BMPR2: variants seen among roughly 807,000 people sequenced by gnomAD.
The protein encoded by BMPR2 is bone morphogenetic protein receptor type 2, also known as bone morphogenetic protein receptor type-2.
In BMPR2, 29 loss-of-function variants were observed where a neutral mutation model predicts 100.8. The ratio of observed to expected loss-of-function variants is 0.29; its 90% confidence interval spans 0.21 to 0.39. The LOEUF (loss-of-function observed/expected upper bound fraction) is 0.39, where lower values mean the gene tolerates loss of function less well. BMPR2 is among the 10% of genes least tolerant of loss of function. The probability of loss-of-function intolerance (pLI) is 1.00; values close to 1 mark genes in which losing one functional copy is unlikely to be tolerated. For synonymous variants in BMPR2, 382 were observed against 442.3 expected (o/e 0.86, Z 1.71); for missense variants, 1,011 against 1,274.5 (o/e 0.79, Z 3.15).
intron 3 of BMPR2, among the ~76,000 whole-genome samples, chr2:202,473,693 A>G (rs568080322): frequency 2.2e-4 from 34 of 152,162 alleles, no homozygotes; most frequent in African/African-American, 7.9e-4. Context: ...CGGGAGGCTG[A>G]GGCACGAGAA....
chr2:202,407,777 CTG>C (rs974917980), intron 1 of BMPR2, among the ~76,000 whole-genome samples: 1 of 151,610 alleles, frequency 6.6e-6, no homozygotes, highest in African/African-American at 2.4e-5. Context: ...AAAAAAAAAA[CTG>C]TATTTATACT....
chr2:202,514,161 G>A (rs1388864693), intron 4 of BMPR2, among the ~76,000 whole-genome samples: 3 of 151,434 alleles, frequency 2.0e-5, no homozygotes, highest in Admixed American at 6.6e-5. Context: ...TTTTTGAGAC[G>A]GAGTCTCGCT....
In BMPR2 at chr2:202,376,838, C is replaced by G. The variant is rs1690157359; in HGVS notation, c.-637C>G. ...CCTCCCCAACCCTCTCACGGTTGTT[C>G]TGCGAAGGCGTGGGGACTGTGAGCT... is the stretch of plus-strand genomic sequence containing the variant. On this transcript the variant is annotated 5_prime_UTR_variant, in exon 1 of 13. Coordinates refer to ENST00000374580, the MANE Select transcript of BMPR2 (RefSeq NM_001204.7). 1 of 404,166 alleles carries G rather than the reference C, an allele frequency of 2.5e-6. No homozygotes were observed. The highest frequency in any genetic ancestry group is 4.3e-6 in the Non-Finnish European group (1 of 230,640). The allele number at this position is 404,166 out of a possible 1,614,324, so 25.0% of individuals were successfully genotyped here.
intron 1 of BMPR2, among the ~76,000 whole-genome samples, chr2:202,415,167 C>A (rs1166769546): frequency 1.3e-5 from 2 of 151,964 alleles, no homozygotes; most frequent in African/African-American, 4.8e-5. Flanking sequence ...CCATCTAGGA[C>A]TTTTATAACT....
chr2:202,534,159 A>T (rs1472189107), intron 9 of BMPR2, among the ~76,000 whole-genome samples: 1 of 150,698 alleles, frequency 6.6e-6, no homozygotes, highest in Non-Finnish European at 1.5e-5. Flanking sequence ...TAGTTTATAT[A>T]TATCAAGTGT....
chr2:202,440,197 C>T lies in BMPR2; in HGVS notation c.77-24612C>T, dbSNP rs188319440. 6.8e-4 allele frequency among the ~76,000 whole-genome samples: 102 copies of T among 150,960 alleles called. 8 individuals carry two copies. The highest frequency in any genetic ancestry group is 2.4e-3 in the African/African-American group (96 of 40,244). ...CCCCTTTCCTATTCGACAAAACCGCCATCCTCATCGTGGCCCGTTCTCAAT... is the reference window on the plus strand; with the variant it reads ...CCCCTTTCCTATTCGACAAAACCGCTATCCTCATCGTGGCCCGTTCTCAAT... On this transcript the variant is annotated intron_variant, in intron 1 of 12. Transcript: ENST00000374580.
chr2:202,453,172 T>C (rs1692021956), intron 1 of BMPR2, among the ~76,000 whole-genome samples: 2 of 151,378 alleles, frequency 1.3e-5, no homozygotes, highest in South Asian at 4.2e-4. Context: ...GATCAAATTG[T>C]GGATCTTATC....
intron 3 of BMPR2, among the ~76,000 whole-genome samples, chr2:202,468,263 G>A (rs1692365251): frequency 6.6e-6 from 1 of 151,834 alleles, no homozygotes; most frequent in Non-Finnish European, 1.5e-5. Context: ...GAGCACTTGA[G>A]CCCAGGAACT....
chr2:202,407,306 T>G (rs971420571), intron 1 of BMPR2, among the ~76,000 whole-genome samples: 1 of 151,966 alleles, frequency 6.6e-6, no homozygotes, highest in Non-Finnish European at 1.5e-5. Context: ...CTTAAACTCC[T>G]GACTTCAAAC....
chr2:202,503,224 G>C lies in BMPR2; in HGVS notation c.419-10495G>C, dbSNP rs1379741013. 1.3e-5 allele frequency among the ~76,000 whole-genome samples: 2 copies of C among 152,224 alleles called. No homozygotes were observed. The highest frequency in any genetic ancestry group is 2.9e-5 in the Non-Finnish European group (2 of 68,040). ...GGGATTGAGAGGTAACAGCGTGCTG[G>C]CAGTCCTCACAGCCCTCGCTCACTC... On this transcript the variant is annotated intron_variant, in intron 3 of 12. Coordinates refer to ENST00000374580, the MANE Select transcript of BMPR2 (RefSeq NM_001204.7). The surrounding 1 kb of genome is among the most constrained non-coding windows in gnomAD (Gnocchi z 4.0).
chr2:202,563,987 A>G lies in BMPR2; in HGVS notation c.*4041A>G, dbSNP rs1379920119. The G allele has an allele frequency of 1.3e-5, 2 of 152,226 alleles. No individual in the cohort carries two copies. The highest frequency in any genetic ancestry group is 2.9e-5 in the Non-Finnish European group (2 of 68,032). 9.4% of individuals were successfully genotyped at this position (152,226 alleles called of 1,614,324 possible). On this transcript the variant is annotated 3_prime_UTR_variant, in exon 13 of 13. Coordinates refer to ENST00000374580, the MANE Select transcript of BMPR2 (RefSeq NM_001204.7). ...GTTCTGAATGTGAAAATATTTAAAG[A>G]GAGAAAGGAACACTCAAGTAAGTGT...
chr2:202,477,004 G>T (rs1692564685), intron 3 of BMPR2, among the ~76,000 whole-genome samples: 1 of 150,924 alleles, frequency 6.6e-6, no homozygotes, highest in South Asian at 2.1e-4. Context: ...TCACTTGATT[G>T]TTTGGAATGT....
At chr2:202,422,552 TGCCTCA>T (rs1407119282) in intron 1 of BMPR2, among the ~76,000 whole-genome samples, 1 of 151,998 alleles carries the variant, frequency 6.6e-6, no homozygotes, top group Non-Finnish European at 1.5e-5. Flanking sequence ...ATGACCCGCC[TGCCTCA>T]GCCTCCCAAA....
At chr2:202,516,239 G>A (rs1442266366) in intron 5 of BMPR2, among the ~76,000 whole-genome samples, 1 of 152,102 alleles carries the variant, frequency 6.6e-6, no homozygotes, top group African/African-American at 2.4e-5. Flanking sequence ...AAAATTGTAA[G>A]AACTTTCTGT....
chr2:202,465,189 C>G (rs921508028), intron 2 of BMPR2, among the ~76,000 whole-genome samples: 1 of 151,966 alleles, frequency 6.6e-6, no homozygotes, highest in East Asian at 1.9e-4. Context: ...AGTTTGAGAC[C>G]AGCCTGGGTA....
intron 1 of BMPR2, among the ~76,000 whole-genome samples, chr2:202,385,554 C>G (rs180766435): frequency 6.7e-6 from 1 of 149,712 alleles, no homozygotes; most frequent in Non-Finnish European, 1.5e-5. Flanking sequence ...TTAGTAGACA[C>G]GGAGTTTCAC....
At chr2:202,497,651 T>A (rs1484488215) in intron 3 of BMPR2, among the ~76,000 whole-genome samples, 1 of 152,208 alleles carries the variant, frequency 6.6e-6, no homozygotes, top group Admixed American at 6.5e-5. Context: ...CTCAAAGGCA[T>A]GTCACCCAAG....
rs780608535 is a variant in BMPR2 at position 202,556,507 on chromosome 2, G to A, written c.2842G>A (p.Val948Ile). 1.9e-6 allele frequency: 3 copies of A among 1,613,514 alleles called. No individual in the cohort carries two copies. The Admixed American group carries it at 5.0e-5, about 27-fold the overall frequency. Reference sequence around the variant, plus strand: ...TTCTCTGGATCTTTCAGCCACAAATGTCCTGGATGGCAGCAGTATACAGAG... The same window carrying A: ...TTCTCTGGATCTTTCAGCCACAAATATCCTGGATGGCAGCAGTATACAGAG... ...PNSLDLSATN[V>I]LDGSSIQIGE... Residue 948 changes from valine (V) to isoleucine (I), a missense_variant, in exon 12 of 13, where the codon GTC becomes ATC. Val to Ile is a conservative substitution (Grantham distance 29). Around this residue, in one of 6 missense-constraint regions of BMPR2, gnomAD observed 508 missense variants for 552.0 expected, o/e 0.92. Coordinates refer to ENST00000374580, the MANE Select transcript of BMPR2 (RefSeq NM_001204.7).
rs1574448473 is a variant in BMPR2, at chr2:202,437,086, A to G, written c.77-27723A>G. ...AGTGGCGTGATCTCGGCTCACTGCA[A>G]CCTCTGTCTCCCAGGTTCAAGCGAT... On this transcript the variant is annotated intron_variant, in intron 1 of 12. Transcript: ENST00000374580. Among the ~76,000 whole-genome samples the G allele has an allele frequency of 1.3e-5, 2 of 150,330 alleles. 1 individual carries two copies. Among genetic ancestry groups the G allele is most frequent in the African/African-American group, 5.0e-5 (2 of 39,702 alleles).
Sources: allele counts gnomAD v4.1 joint callset (sites outside exome capture counted in the v4.1 genomes callset), GRCh38; gene constraint gnomAD v4.1.1; regional missense constraint gnomAD v4.1.1; non-coding constraint Gnocchi (gnomAD v3.1); transcripts MANE v1.5; gene names NCBI Gene and HGNC (gene_info 2026-07-23, HGNC 2026-07-21).